The following ANKRD1 variants were observed in gnomAD, a reference collection of about 807,000 sequenced individuals.
ANKRD1 encodes ankyrin repeat domain 1.
In ANKRD1, 32 loss-of-function variants were observed where a neutral mutation model predicts 40.1. That is an observed-to-expected ratio of 0.80 (90% CI 0.60 to 1.07). The LOEUF is 1.07. Among genes scored for constraint, ANKRD1 ranks in the 50% least tolerant of loss-of-function variants. The pLI is 0.00. For missense variants in ANKRD1, 359 were observed against 386.0 expected, an observed-to-expected ratio of 0.93 and a Z score of 0.59; for synonymous variants, 149 against 141.2, an observed-to-expected ratio of 1.06 and a Z score of -0.39.
chr10:90,919,628 T>G (rs779334708), intron 2 of ANKRD1, among the ~76,000 whole-genome samples: 9 of 152,246 alleles, frequency 5.9e-5, no homozygotes, highest in Non-Finnish European at 1.3e-4. Flanking sequence ...GTTTAATTTT[T>G]GAGCATGATA....
rs745799180 is a variant in ANKRD1 at position 90,920,354 on chromosome 10, A to G, written c.28-6T>C. ...CCATTCTTCTTTCCAGTGACCTATG[A>G]GGGAAGAAGATGGCAGCGTCAGAAG... On this transcript the variant is annotated splice_polypyrimidine_tract_variant and splice_region_variant and intron_variant, in intron 1 of 8. Transcript: ENST00000371697. 17 of 1,613,790 alleles carry G rather than the reference A, an allele frequency of 1.1e-5. No individual in the cohort carries two copies. The Admixed American group carries it at 2.8e-4, about 27-fold the overall frequency.
rs1589507230 is a variant in ANKRD1, at chr10:90,912,212, G to T, written c.*654C>A. The T allele has an allele frequency of 7.2e-6, 1 of 138,672 alleles. No homozygotes were observed. 8.6% of individuals were successfully genotyped at this position (138,672 alleles called of 1,614,324 possible). A position where few individuals can be genotyped will look rare whatever the true frequency, so the allele number is the denominator to read the frequency against. Reference sequence around the variant, plus strand: ...TTTTTGAGCAAATTCAATTCTGCATGTCCCAGTTTGCCGCTCCTTCCACTG... The same window carrying T: ...TTTTTGAGCAAATTCAATTCTGCATTTCCCAGTTTGCCGCTCCTTCCACTG... On this transcript the variant is annotated 3_prime_UTR_variant, in exon 9 of 9. Transcript: ENST00000371697.
At chr10:90,918,810 A>G in intron 4 of ANKRD1, 55 bp downstream of exon 4, 1 of 1,374,150 alleles carries the variant, frequency 7.3e-7, no homozygotes, top group East Asian at 2.4e-5. Context: ...GGAGTAAAGC[A>G]TAAGAAACAT....
chr10:90,916,310 T>G, intron 5 of ANKRD1, 41 bp from the exon 6 acceptor site: 1 of 1,477,518 alleles, frequency 6.8e-7, no homozygotes. Context: ...AAGGAGAATG[T>G]GGTCTGGGGA....
intron 5 of ANKRD1, among the ~76,000 whole-genome samples, chr10:90,916,536 A>C (rs886083178): frequency 6.6e-6 from 1 of 152,194 alleles, no homozygotes; most frequent in African/African-American, 2.4e-5. Context: ...GACATTTCTC[A>C]TGCCAACATG....
rs766545285 is a variant in ANKRD1, at chr10:90,918,983, AAT to A, written c.346-13_346-12del. The A allele has an allele frequency of 7.1e-7, 1 of 1,408,686 alleles. No individual in the cohort carries two copies. Among genetic ancestry groups the A allele is most frequent in the Non-Finnish European group, 9.4e-7 (1 of 1,062,852 alleles). 87.3% of individuals were successfully genotyped at this position (1,408,686 alleles called of 1,614,324 possible). On this transcript the variant is annotated splice_polypyrimidine_tract_variant and intron_variant, in intron 3 of 8. Coordinates refer to ENST00000371697, the MANE Select transcript of ANKRD1 (RefSeq NM_014391.3). ...ATCCACAGGTTCCGTCTAAAGCCAA[AAT>A]AAATAAATATATATATATATATATA...
In ANKRD1 at chr10:90,916,196, C is replaced by T. The variant is rs1847372070; in HGVS notation, c.626G>A (p.Gly209Glu). ...CTTATCTCGGGCGCTAATTTTTGCT[C>T]CTTTATTCAGCAACAATTTTAAAAC... ...LDVLKLLLNK[G>E]AKISARDKLL... The change falls in exon 6 of 9, where the codon GGA becomes GAA. Residue 209 changes from glycine (G) to glutamate (E), a missense_variant. Transcript: ENST00000371697. 2 of 1,613,730 alleles carry T rather than the reference C, an allele frequency of 1.2e-6. No homozygotes were observed. The highest frequency in any genetic ancestry group is 1.7e-6 in the Non-Finnish European group (2 of 1,179,928).
chr10:90,921,015 T>G lies in ANKRD1; in HGVS notation c.13A>C (p.Lys5Gln). ...ATCTTACATACCAGTTCCTCTACTT[T>G]CAGTACCATCATGTTGGCTGAAGGA... MMVL[K>Q]VEELVTGKKN... Residue 5 changes from lysine to glutamine, a missense_variant, in exon 1 of 9, where the codon AAA becomes CAA. Transcript: ENST00000371697. 1 of 1,614,052 alleles carries G rather than the reference T, an allele frequency of 6.2e-7. No homozygotes were observed. Among genetic ancestry groups the G allele is most frequent in the Non-Finnish European group, 8.5e-7 (1 of 1,179,910 alleles).
At position 90,912,763 on chromosome 10, in the gene ANKRD1, C is replaced by A; in HGVS notation, c.*103G>T. On this transcript the variant is annotated 3_prime_UTR_variant, in exon 9 of 9. Coordinates refer to ENST00000371697, the MANE Select transcript of ANKRD1 (RefSeq NM_014391.3). The stretch of plus-strand genomic sequence containing the variant: ...CTTCATTAGGTACATCTTCACAACA[C>A]GTTGATAAATAGAAACTAGATTTTA... 1 of 1,097,076 alleles carries A rather than the reference C, an allele frequency of 9.1e-7. No individual in the cohort carries two copies. The highest frequency in any genetic ancestry group is 1.2e-5 in the South Asian group (1 of 80,110). 68.0% of individuals were successfully genotyped at this position (1,097,076 alleles called of 1,614,324 possible).
At position 90,918,868 on chromosome 10, in the gene ANKRD1, A is replaced by G. The variant is rs775789003; in HGVS notation, c.450T>C (p.Asp150=). The G allele has an allele frequency of 5.0e-6, 8 of 1,608,390 alleles. No homozygotes were observed. In the African/African-American group the frequency reaches 1.1e-4, roughly 22 times the overall value. Residue 150 remains aspartate, a synonymous_variant, in exon 4 of 9, where the codon GAT becomes GAC. Transcript: ENST00000371697. ...LSDKNNPDVC[D]EYKRTALHRA... is the part of the protein sequence containing the mutation. ...CAGTGCTTTGCATGAGTCTTACCTC[A>G]TCACAAACATCTGGATTGTTCTTGT... is the stretch of plus-strand genomic sequence containing the variant.
intron 5 of ANKRD1, among the ~76,000 whole-genome samples, chr10:90,916,471 A>T (rs1847375748): frequency 6.6e-6 from 1 of 152,016 alleles, no homozygotes; most frequent in African/African-American, 2.4e-5. Context: ...TCTTATTAGG[A>T]GGCTCTTAAT....
chr10:90,914,720 TCC>T (rs55919759), intron 8 of ANKRD1, among the ~76,000 whole-genome samples: 2,199 of 79,794 alleles, frequency 0.028, 12 homozygotes, highest in East Asian at 0.048. Context: ...TGAGTTTCCC[TCC>T]CCCCCCCCCC....
Position 90,912,624 on chromosome 10 carries a change from G to C in ANKRD1, c.*242C>G. The C allele has an allele frequency of 4.5e-6, 2 of 440,134 alleles. No individual in the cohort carries two copies. The highest frequency in any genetic ancestry group is 9.5e-5 in the East Asian group (2 of 20,988). 27.3% of individuals were successfully genotyped at this position (440,134 alleles called of 1,614,324 possible). A position where few individuals can be genotyped will look rare whatever the true frequency, so the allele number is the denominator to read the frequency against. ...CTCTGCTCACCAGATGGATGATCAT[G>C]AAGGTCTGAATATCAGTAGCGTGGC... On this transcript the variant is annotated 3_prime_UTR_variant, in exon 9 of 9. Transcript: ENST00000371697.
intron 8 of ANKRD1, among the ~76,000 whole-genome samples, chr10:90,914,017 A>G (rs962660817): frequency 6.6e-6 from 1 of 152,228 alleles, no homozygotes; most frequent in Non-Finnish European, 1.5e-5. Context: ...GTCAGTCTGC[A>G]GTCAGATTAT....
intron 1 of ANKRD1, 28 bp from the exon 2 acceptor site, chr10:90,920,376 G>C: frequency 6.2e-7 from 1 of 1,613,280 alleles, no homozygotes. Context: ...GGCAGCGTCA[G>C]AAGCAGCAGC....
At chr10:90,917,689 T>C (rs369188562) in intron 5 of ANKRD1, 43 bp downstream of exon 5, 127 of 1,553,478 alleles carry the variant, frequency 8.2e-5, no homozygotes, top group Non-Finnish European at 1.1e-4. Context: ...CTTCATATAG[T>C]CTACTTCTTT....
chr10:90,915,525 C>T lies in ANKRD1; in HGVS notation c.849+18G>A. 6.2e-7 allele frequency: 1 copy of T among 1,605,094 alleles called. No individual in the cohort carries two copies. The highest frequency in any genetic ancestry group is 8.5e-7 in the Non-Finnish European group (1 of 1,173,388). ...ATTGGAAAGCTTGCAAGCGGTGTTT[C>T]TTGTTTCCAGTACTTACACAGTTCT... On this transcript the variant is annotated intron_variant, in intron 8 of 8. Transcript: ENST00000371697.
intron 8 of ANKRD1, among the ~76,000 whole-genome samples, chr10:90,915,041 A>T (rs1041345275): frequency 6.6e-6 from 1 of 152,252 alleles, no homozygotes; most frequent in African/African-American, 2.4e-5. Flanking sequence ...TACCCCTGGA[A>T]GAAAATGGTG....
At position 90,915,773 on chromosome 10, in the gene ANKRD1, G is replaced by C; in HGVS notation, c.750+9C>G. On this transcript the variant is annotated intron_variant, in intron 7 of 8. Coordinates refer to ENST00000371697, the MANE Select transcript of ANKRD1 (RefSeq NM_014391.3). ...GCTTTGGGAAACCCGAGCGTGTCCA[G>C]CTACTCACTCTGTCTTTGGCGTTGA... 2 of 1,613,768 alleles carry C rather than the reference G, an allele frequency of 1.2e-6. No homozygotes were observed. The highest frequency in any genetic ancestry group is 1.7e-6 in the Non-Finnish European group (2 of 1,179,916).
Sources: allele counts gnomAD v4.1 joint callset (sites outside exome capture counted in the v4.1 genomes callset), GRCh38; gene constraint gnomAD v4.1.1; transcripts MANE v1.5; gene names NCBI Gene and HGNC (gene_info 2026-07-23, HGNC 2026-07-21).